Variants in ELMO1 observed in about 807,000 individuals in gnomAD.
ELMO1 encodes engulfment and cell motility 1.
In ELMO1, 26 loss-of-function variants were observed where a neutral mutation model predicts 98.9. That is an observed-to-expected ratio of 0.26 (90% CI 0.19 to 0.36). ELMO1 has a LOEUF of 0.36. Among genes scored for constraint, ELMO1 ranks in the 10% least tolerant of loss-of-function variants. The pLI, the probability that ELMO1 is intolerant of heterozygous loss-of-function variation, is 1.00. For synonymous variants in ELMO1, 346 were observed against 346.0 expected, an observed-to-expected ratio of 1.00 and a Z score of 0.00; for missense variants, 627 against 935.2, an observed-to-expected ratio of 0.67 and a Z score of 4.30.
At chr7:37,040,768 C>T (rs955273226) in intron 15 of ELMO1, among the ~76,000 whole-genome samples, 4 of 152,088 alleles carry the variant, frequency 2.6e-5, no homozygotes, top group African/African-American at 9.7e-5. Context: ...GTATTATTAG[C>T]GTTCTAGCAC....
chr7:37,417,796 G>C (rs1048015844), intron 1 of ELMO1, among the ~76,000 whole-genome samples: 8 of 151,972 alleles, frequency 5.3e-5, no homozygotes, highest in African/African-American at 1.9e-4. Context: ...GAGTCGAGAC[G>C]GCACCATTGC....
chr7:37,002,974 G>A (rs992465167), intron 16 of ELMO1, among the ~76,000 whole-genome samples: 15 of 152,288 alleles, frequency 9.8e-5, no homozygotes, highest in Non-Finnish European at 2.1e-4. Flanking sequence ...AGTGATAGCT[G>A]CAGGCTTGAG....
intron 19 of ELMO1, among the ~76,000 whole-genome samples, chr7:36,875,132 C>T (rs964371854): frequency 7.9e-5 from 12 of 152,166 alleles, no homozygotes; most frequent in African/African-American, 2.7e-4. Flanking sequence ...CTCATTTTTC[C>T]AGTGGAATGA....
chr7:37,012,953 C>A (rs568789258), intron 16 of ELMO1, among the ~76,000 whole-genome samples: 1 of 152,144 alleles, frequency 6.6e-6, no homozygotes, highest in Non-Finnish European at 1.5e-5. Flanking sequence ...AGGCCCCTTC[C>A]CCGACAGATC....
rs893366393 is a variant in ELMO1, at chr7:36,932,155, C to T, written c.1438-37138G>A. ...AGGCAACCAAGGCACTACTAGACAC[C>T]GTTCAATAAGACATGGATCCTGTCC... is the stretch of plus-strand genomic sequence containing the variant. On this transcript the variant is annotated intron_variant, in intron 16 of 21. Transcript: ENST00000310758. Among the ~76,000 whole-genome samples, 6 of 152,246 alleles carry T rather than the reference C, an allele frequency of 3.9e-5. No individual in the cohort carries two copies. The South Asian group carries it at 6.2e-4, about 16-fold the overall frequency.
intron 4 of ELMO1, among the ~76,000 whole-genome samples, chr7:37,310,858 C>G (rs1798854181): frequency 6.6e-6 from 1 of 152,146 alleles, no homozygotes; most frequent in South Asian, 2.1e-4. Flanking sequence ...TCTCACTTTT[C>G]TCGTAAAATG....
chr7:37,108,699 C>T (rs530842492), intron 14 of ELMO1, among the ~76,000 whole-genome samples: 1 of 152,298 alleles, frequency 6.6e-6, no homozygotes, highest in South Asian at 2.1e-4. Flanking sequence ...AGGTTGGGAA[C>T]CACTTCCTCA....
chr7:37,373,478 A>G (rs1286950778), intron 1 of ELMO1, among the ~76,000 whole-genome samples: 1 of 151,994 alleles, frequency 6.6e-6, no homozygotes, highest in African/African-American at 2.4e-5. Context: ...GTGTGGTGGC[A>G]CATGCCTGTA....
chr7:37,000,936 T>TACACACACACAC (rs978102382), intron 16 of ELMO1, among the ~76,000 whole-genome samples: 61 of 126,248 alleles, frequency 4.8e-4, no homozygotes, highest in African/African-American at 2.2e-3. Context: ...TGTATATGTG[T>TACACACACACAC]ATACACACAC....
At chr7:36,865,475 C>A (rs995463291) in intron 20 of ELMO1, among the ~76,000 whole-genome samples, 1 of 152,216 alleles carries the variant, frequency 6.6e-6, no homozygotes, top group Non-Finnish European at 1.5e-5. Flanking sequence ...ATCTTAGCAG[C>A]GTAACCGGCC....
intron 16 of ELMO1, among the ~76,000 whole-genome samples, chr7:36,989,538 A>G (rs1255574443): frequency 2.6e-5 from 4 of 152,066 alleles, no homozygotes; most frequent in African/African-American, 9.6e-5. Flanking sequence ...CTCAAAATTA[A>G]TCTCCCACAT....
chr7:37,142,800 C>T (rs149376214), intron 13 of ELMO1, among the ~76,000 whole-genome samples: 2 of 152,184 alleles, frequency 1.3e-5, no homozygotes, highest in South Asian at 2.1e-4. Context: ...AAAATAAATA[C>T]GTAAGAAAGG....
chr7:37,221,402 C>T (rs1487588592), intron 10 of ELMO1, among the ~76,000 whole-genome samples: 1 of 152,196 alleles, frequency 6.6e-6, no homozygotes, highest in Admixed American at 6.5e-5. Flanking sequence ...TCACTGGCAA[C>T]TGCCATCAAG....
intron 4 of ELMO1, among the ~76,000 whole-genome samples, chr7:37,302,916 A>T (rs1417412999): frequency 1.3e-5 from 2 of 152,176 alleles, no homozygotes; most frequent in African/African-American, 4.8e-5. Flanking sequence ...AATGTTACTG[A>T]GTGTCACCTC....
chr7:37,425,007 G>A (rs1170644094), intron 1 of ELMO1, among the ~76,000 whole-genome samples: 1 of 152,104 alleles, frequency 6.6e-6, no homozygotes, highest in Non-Finnish European at 1.5e-5. Context: ...AAAGATGAAA[G>A]ATGAAAAAGG....
intron 13 of ELMO1, among the ~76,000 whole-genome samples, chr7:37,169,430 C>T (rs942918100): frequency 3.3e-5 from 5 of 152,170 alleles, no homozygotes; most frequent in South Asian, 2.1e-4. Flanking sequence ...CCGTCTTCTG[C>T]GTCGCTCACG....
chr7:37,169,008 C>A (rs541932162), intron 13 of ELMO1, among the ~76,000 whole-genome samples: 2 of 152,282 alleles, frequency 1.3e-5, no homozygotes, highest in Admixed American at 6.5e-5. Flanking sequence ...TCGAGCTTCC[C>A]GGCTGCTTTG....
chr7:37,367,034 G>A (rs1355977493), intron 1 of ELMO1, among the ~76,000 whole-genome samples: 2 of 152,138 alleles, frequency 1.3e-5, no homozygotes, highest in African/African-American at 4.8e-5. Flanking sequence ...GCATTTCCTG[G>A]CCTCTGTCTC....
chr7:36,957,010 G>A (rs75304651), intron 16 of ELMO1, among the ~76,000 whole-genome samples: 1 of 152,202 alleles, frequency 6.6e-6, no homozygotes, highest in African/African-American at 2.4e-5. Flanking sequence ...CCCACAAACT[G>A]TGATCTCCCC....
Sources: allele counts gnomAD v4.1 joint callset (sites outside exome capture counted in the v4.1 genomes callset), GRCh38; gene constraint gnomAD v4.1.1; transcripts MANE v1.5; gene names NCBI Gene and HGNC (gene_info 2026-07-23, HGNC 2026-07-21).